The following ATP2B4 variants were observed in gnomAD, a reference collection of about 807,000 sequenced individuals.
ATP2B4 encodes plasma membrane calcium-transporting ATPase 4.
A neutral mutation model predicts 110.3 loss-of-function variants in ATP2B4; 39 were observed. The observed-to-expected ratio is 0.35, with a 90% CI of 0.27 to 0.46. ATP2B4 has a LOEUF of 0.46. Ranked by LOEUF, ATP2B4 falls within the 20% of genes least tolerant of loss-of-function variation. The pLI is 1.00. For synonymous variants in ATP2B4, 538 were observed against 571.7 expected, an observed-to-expected ratio of 0.94 and a Z score of 0.84; for missense variants, 1,135 against 1,530.9, an observed-to-expected ratio of 0.74 and a Z score of 4.32.
intron 1 of ATP2B4, among the ~76,000 whole-genome samples, chr1:203,658,500 C>T (rs1316828145): frequency 6.6e-6 from 1 of 151,180 alleles, no homozygotes; most frequent in African/African-American, 2.4e-5. Flanking sequence ...CACTGCACTC[C>T]ACCCTGGCCA....
chr1:203,672,585 A>T (rs2102346961), intron 1 of ATP2B4, among the ~76,000 whole-genome samples: 1 of 151,862 alleles, frequency 6.6e-6, no homozygotes, highest in Non-Finnish European at 1.5e-5. Flanking sequence ...GCTCCCTGAG[A>T]GGTGTTATGG....
intron 1 of ATP2B4, among the ~76,000 whole-genome samples, chr1:203,632,463 C>T (rs908388227): frequency 4.6e-5 from 7 of 151,560 alleles, no homozygotes; most frequent in Admixed American, 1.3e-4. Flanking sequence ...CCTGCCTTAT[C>T]TTCCTGAGTA....
At chr1:203,657,514 C>T (rs1664198520) in intron 1 of ATP2B4, 1 of 795,342 alleles carries the variant, frequency 1.3e-6, no homozygotes, top group Non-Finnish European at 2.3e-6. Context: ...GTCTTTTCAT[C>T]CTTCTTTTGT....
chr1:203,670,078 C>T (rs1664616832), intron 1 of ATP2B4, among the ~76,000 whole-genome samples: 1 of 152,216 alleles, frequency 6.6e-6, no homozygotes, highest in South Asian at 2.1e-4. Flanking sequence ...GTTTTGGAAG[C>T]TCACTCTACC....
chr1:203,727,367 T>C, intron 19 of ATP2B4, 28 bp from the exon 20 acceptor site: 1 of 1,612,066 alleles, frequency 6.2e-7, no homozygotes, highest in Non-Finnish European at 8.5e-7. Flanking sequence ...GATTCTGACG[T>C]CTTCCTCTTC....
chr1:203,717,949 C>T (rs1048291932), intron 15 of ATP2B4, among the ~76,000 whole-genome samples: 14 of 152,058 alleles, frequency 9.2e-5, no homozygotes, highest in African/African-American at 2.4e-4. Context: ...CGGCCTGAAA[C>T]GGCCTCCCAA....
chr1:203,664,987 G>C (rs1353477792), intron 1 of ATP2B4, among the ~76,000 whole-genome samples: 2 of 152,024 alleles, frequency 1.3e-5, no homozygotes, highest in Non-Finnish European at 2.9e-5. Context: ...GCCTGCCACC[G>C]CGCCTGGCTA....
intron 2 of ATP2B4, among the ~76,000 whole-genome samples, chr1:203,690,999 C>T (rs1466098135): frequency 6.6e-6 from 1 of 152,158 alleles, no homozygotes; most frequent in Non-Finnish European, 1.5e-5. Context: ...TGGGTTCTCT[C>T]TTCCTAGCCC....
intron 1 of ATP2B4, among the ~76,000 whole-genome samples, chr1:203,637,595 G>A (rs1663496547): frequency 6.6e-6 from 1 of 152,194 alleles, no homozygotes; most frequent in African/African-American, 2.4e-5. Context: ...TGAGCTGTGG[G>A]TTGGATTAGA....
chr1:203,696,083 C>G (rs185149250), intron 2 of ATP2B4, among the ~76,000 whole-genome samples: 1 of 152,112 alleles, frequency 6.6e-6, no homozygotes, highest in South Asian at 2.1e-4. Context: ...CGCCACCACA[C>G]CCAGCTAATT....
At chr1:203,707,512 C>T (rs1362239195) in intron 9 of ATP2B4, among the ~76,000 whole-genome samples, 2 of 151,730 alleles carry the variant, frequency 1.3e-5, no homozygotes, top group East Asian at 1.9e-4. Context: ...AATGATGCAA[C>T]CTCCGCCTCC....
At chr1:203,687,812 GTAGTCCCAGCAC>G (rs1181493118) in intron 2 of ATP2B4, among the ~76,000 whole-genome samples, 4 of 152,028 alleles carry the variant, frequency 2.6e-5, no homozygotes, top group Non-Finnish European at 5.9e-5. Flanking sequence ...GCTCATGCAT[GTAGTCCCAGCAC>G]TATCTGTGCT....
chr1:203,704,965 C>T (rs1665808750), intron 8 of ATP2B4, among the ~76,000 whole-genome samples: 1 of 152,194 alleles, frequency 6.6e-6, no homozygotes, highest in Non-Finnish European at 1.5e-5. Context: ...TAAGCCCCCA[C>T]AGGATGCCAG....
intron 12 of ATP2B4, among the ~76,000 whole-genome samples, chr1:203,711,467 A>C (rs918220400): frequency 3.3e-5 from 5 of 152,118 alleles, no homozygotes; most frequent in African/African-American, 1.2e-4. Context: ...ACACTAGGGG[A>C]TTGAAAAGTC....
chr1:203,700,321 G>C lies in ATP2B4; in HGVS notation c.765G>C (p.Met255Ile). ...HVKKSLDKDP[M>I]LLSGTHVMEG... ...AGAAGTCCCTGGACAAAGACCCCAT[G>C]TTGCTCTCAGGTATAGGCCCTGGCT... The change falls in exon 5 of 21, where the codon ATG (methionine) becomes ATC (isoleucine). Residue 255 changes from methionine (M) to isoleucine (I), a missense_variant. Physicochemically the swap from Met to Ile is conservative, Grantham distance 10. Around this residue, in one of 9 missense-constraint regions of ATP2B4, gnomAD observed 162 missense variants for 210.5 expected, o/e 0.77. Coordinates refer to ENST00000357681, the MANE Select transcript of ATP2B4 (RefSeq NM_001684.5). The C allele has an allele frequency of 6.2e-7, 1 of 1,613,032 alleles. No individual in the cohort carries two copies. The highest frequency in any genetic ancestry group is 8.5e-7 in the Non-Finnish European group (1 of 1,179,396).
Position 203,629,079 on chromosome 1 carries a change from C to CT in ATP2B4, c.-465+1862dup, listed in dbSNP as rs1663177718. Among the ~76,000 whole-genome samples the CT allele has an allele frequency of 6.6e-6, 1 of 152,068 alleles. No individual in the cohort carries two copies. The highest frequency in any genetic ancestry group is 2.4e-5 in the African/African-American group (1 of 41,398). ...CACTGCGGGAGAAGGAAGTAAAACA[C>CT]TTAGAGGAGAGCTCATCTCGGGGCT... On this transcript the variant is annotated intron_variant, in intron 1 of 20. Transcript: ENST00000357681. The surrounding 1 kb of genome is among the most constrained non-coding windows in gnomAD (Gnocchi z 4.6).
chr1:203,703,940 G>A (rs1665770083), intron 8 of ATP2B4, 127 bp downstream of exon 8: 2 of 1,216,504 alleles, frequency 1.6e-6, no homozygotes, highest in East Asian at 2.6e-5. Context: ...GGCTAGTTGG[G>A]GCTAGGCGGC....
At chr1:203,641,046 T>C (rs529611396) in intron 1 of ATP2B4, among the ~76,000 whole-genome samples, 1 of 152,312 alleles carries the variant, frequency 6.6e-6, no homozygotes, top group Non-Finnish European at 1.5e-5. Context: ...GGAGCTTTAT[T>C]AGGCCATTAC....
In ATP2B4 at chr1:203,629,351, C is replaced by A. The variant is rs1663189770; in HGVS notation, c.-465+2132C>A. ...CTTGCTGAGGTGCAACCTCGAAAAT[C>A]ACGCCGCTTTCGCCGCGGCCTCCCA... On this transcript the variant is annotated intron_variant, in intron 1 of 20. Coordinates refer to ENST00000357681, the MANE Select transcript of ATP2B4 (RefSeq NM_001684.5). This position sits in a 1 kb window ranked among gnomAD's most constrained non-coding sequence, Gnocchi z 4.6. Among the ~76,000 whole-genome samples the A allele has an allele frequency of 6.6e-6, 1 of 152,216 alleles. No individual in the cohort carries two copies. Among genetic ancestry groups the A allele is most frequent in the Non-Finnish European group, 1.5e-5 (1 of 68,048 alleles).
Sources: allele counts gnomAD v4.1 joint callset (sites outside exome capture counted in the v4.1 genomes callset), GRCh38; gene constraint gnomAD v4.1.1; regional missense constraint gnomAD v4.1.1; non-coding constraint Gnocchi (gnomAD v3.1); transcripts MANE v1.5; gene names NCBI Gene and HGNC (gene_info 2026-07-23, HGNC 2026-07-21).